TENM2: variants seen among roughly 807,000 people sequenced by gnomAD.
TENM2 encodes teneurin transmembrane protein 2.
Under a neutral mutation model 245.2 loss-of-function variants are expected in TENM2, and 52 were observed. That is an observed-to-expected ratio of 0.21 (90% confidence interval 0.17 to 0.27). The LOEUF (loss-of-function observed/expected upper bound fraction) is 0.27. TENM2 is among the 10% of genes least tolerant of loss of function. The pLI is 1.00. For missense variants in TENM2, 3,046 were observed against 3,666.8 expected, an observed-to-expected ratio of 0.83 and a Z score of 4.37; for synonymous variants, 1,363 against 1,438.9, an observed-to-expected ratio of 0.95 and a Z score of 1.19.
intron 2 of TENM2, among the ~76,000 whole-genome samples, chr5:167,592,461 C>T (rs1775942877): frequency 6.6e-6 from 1 of 152,160 alleles, no homozygotes; most frequent in African/African-American, 2.4e-5. Flanking sequence ...TAGGATGCAA[C>T]TTAAGAGAAC....
the TENM2 span, among the ~76,000 whole-genome samples, chr5:167,008,001 T>G: frequency 0.022 from 3,347 of 152,234 alleles, 121 homozygotes; most frequent in African/African-American, 0.074. Flanking sequence ...TAACCCACCG[T>G]TGGATGTTGC....
chr5:167,745,600 ACAAC>A (rs1761503838), intron 2 of TENM2, among the ~76,000 whole-genome samples: 1 of 152,198 alleles, frequency 6.6e-6, no homozygotes, highest in Non-Finnish European at 1.5e-5. Flanking sequence ...ATGGAGTTGA[ACAAC>A]CAACAACATC....
At chr5:167,658,457 C>A (rs1250833115) in intron 2 of TENM2, among the ~76,000 whole-genome samples, 1 of 152,134 alleles carries the variant, frequency 6.6e-6, no homozygotes, top group Non-Finnish European at 1.5e-5. Flanking sequence ...ATCTTCCCAC[C>A]TCGGCCTCCC....
At chr5:168,124,731 C>A in intron 10 of TENM2, 119 bp from the exon 13 acceptor site, 1 of 897,648 alleles carries the variant, frequency 1.1e-6, no homozygotes, top group Non-Finnish European at 1.7e-6. Flanking sequence ...CATTTGCTAG[C>A]AAGTGGATGG....
At chr5:168,250,967 C>T (rs546154251) in intron 27 of TENM2, among the ~76,000 whole-genome samples, 3 of 152,264 alleles carry the variant, frequency 2.0e-5, no homozygotes, top group Admixed American at 1.3e-4. Context: ...GAGGGGATCA[C>T]GGACGGCCTT....
At chr5:167,253,561 G>C in the TENM2 span, among the ~76,000 whole-genome samples, 1 of 152,008 alleles carries the variant, frequency 6.6e-6, no homozygotes, top group African/African-American at 2.4e-5. Flanking sequence ...TTTTGTATTA[G>C]AATAGCTGTG....
the TENM2 span, among the ~76,000 whole-genome samples, chr5:167,191,138 T>TA: frequency 1.3e-5 from 2 of 151,930 alleles, no homozygotes; most frequent in Non-Finnish European, 2.9e-5. Flanking sequence ...AGAAAGGTTA[T>TA]AAAAAATTCA....
Position 167,877,142 on chromosome 5 carries a change from G to T in TENM2, c.712+947G>T, listed in dbSNP as rs536991718. Among the ~76,000 whole-genome samples, 30 of 152,268 alleles carry T rather than the reference G, an allele frequency of 2.0e-4. No individual in the cohort carries two copies. The South Asian group carries it at 5.4e-3, about 27-fold the overall frequency. ...ATCTTCTGAACTGGTCAGTCATGAG[G>T]TTAATTAGCATATCCCATCCAAAGC... is the stretch of plus-strand genomic sequence containing the variant. On this transcript the variant is annotated intron_variant, in intron 3 of 28. Transcript: ENST00000518659.
At chr5:168,126,567 C>A (rs1455283352) in intron 11 of TENM2, among the ~76,000 whole-genome samples, 187 bp from the exon 14 acceptor site, 1 of 152,116 alleles carries the variant, frequency 6.6e-6, no homozygotes, top group Non-Finnish European at 1.5e-5. Context: ...CTTTGAGAGT[C>A]ACTTCTCTAG....
chr5:167,396,025 G>T (rs1015042205), intron 2 of TENM2, among the ~76,000 whole-genome samples: 7 of 152,086 alleles, frequency 4.6e-5, no homozygotes, highest in African/African-American at 1.7e-4. Context: ...TATATAAAAT[G>T]ATACAACCAC....
At chr5:167,576,331 AT>A (rs35031872) in intron 2 of TENM2, among the ~76,000 whole-genome samples, 3,299 of 146,458 alleles carry the variant, frequency 0.023, 44 homozygotes, top group African/African-American at 0.039. Flanking sequence ...AGAAAAGAGC[AT>A]TTTTTTTTTT....
At chr5:167,350,628 T>TATATATATATATGGGATACATATATGG (rs1758792445) in intron 1 of TENM2, among the ~76,000 whole-genome samples, 1 of 60,404 alleles carries the variant, frequency 1.7e-5, no homozygotes, top group Non-Finnish European at 4.1e-5. Context: ...CATATGTGGA[T>TATATATATATATGGGATACATATATGG]ATATATATAT....
chr5:167,225,097 T>C, the TENM2 span, among the ~76,000 whole-genome samples: 1 of 152,054 alleles, frequency 6.6e-6, no homozygotes, highest in African/African-American at 2.4e-5. Context: ...TCTAAGAGTA[T>C]TTGGTAGAGT....
chr5:167,384,336 G>A (rs895833800), intron 2 of TENM2, among the ~76,000 whole-genome samples: 4 of 152,134 alleles, frequency 2.6e-5, no homozygotes, highest in Admixed American at 6.5e-5. Flanking sequence ...AATAGGGGTC[G>A]GGACTTTTAT....
At chr5:167,906,289 A>G (rs2151545682) in intron 3 of TENM2, among the ~76,000 whole-genome samples, 1 of 152,368 alleles carries the variant, frequency 6.6e-6, no homozygotes, top group African/African-American at 2.4e-5. Context: ...CCAATGCTCT[A>G]GGAATGCAAT....
At chr5:168,242,552 T>A (rs60646276) in intron 25 of TENM2, among the ~76,000 whole-genome samples, 11,437 of 152,298 alleles carry the variant, frequency 0.075, 532 homozygotes, top group African/African-American at 0.13. Flanking sequence ...GTTTGAAGCT[T>A]TTTTTATCAT....
intron 5 of TENM2, among the ~76,000 whole-genome samples, chr5:168,014,586 C>T (rs771409982): frequency 3.3e-5 from 5 of 152,130 alleles, no homozygotes; most frequent in Non-Finnish European, 5.9e-5. Flanking sequence ...GCCTTAGAAA[C>T]GCAAATAAAA....
At chr5:168,195,348 G>C (rs1761318512) in intron 15 of TENM2, 53 bp downstream of exon 17, 3 of 1,547,952 alleles carry the variant, frequency 1.9e-6, no homozygotes, top group Non-Finnish European at 2.6e-6. Flanking sequence ...TGTGTGCAAA[G>C]GGACAGACGG....
intron 1 of TENM2, among the ~76,000 whole-genome samples, chr5:167,335,818 TC>T (rs1234310992): frequency 2.0e-5 from 3 of 152,188 alleles, no homozygotes; most frequent in African/African-American, 7.2e-5. Context: ...ATGAGGGCTC[TC>T]CTTCTGTGTA....
Sources: allele counts gnomAD v4.1 joint callset (sites outside exome capture counted in the v4.1 genomes callset), GRCh38; gene constraint gnomAD v4.1.1; transcripts MANE v1.5; gene names NCBI Gene and HGNC (gene_info 2026-07-23, HGNC 2026-07-21).